TMEM272: variants seen among roughly 807,000 people sequenced by gnomAD.
TMEM272 encodes transmembrane protein 272.
Under a neutral mutation model 3.7 loss-of-function variants are expected in TMEM272, and 8 were observed. That is an observed-to-expected ratio of 2.17 (90% CI 1.27 to 3.91). The LOEUF is 3.91. TMEM272 is among the 30% of genes most tolerant of loss of function. The pLI, the probability that TMEM272 is intolerant of heterozygous loss-of-function variation, is 0.00. For synonymous variants in TMEM272, 63 were observed against 39.8 expected, an observed-to-expected ratio of 1.58 and a Z score of -2.20; for missense variants, 166 against 91.5, an observed-to-expected ratio of 1.81 and a Z score of -3.32.
the TMEM272 span, among the ~76,000 whole-genome samples, chr13:51,873,180 G>A: frequency 6.6e-6 from 1 of 152,258 alleles, no homozygotes; most frequent in Non-Finnish European, 1.5e-5. Context: ...AGGAGAGTTT[G>A]AGAGTGAATT....
At chr13:51,864,616 T>C in the TMEM272 span, among the ~76,000 whole-genome samples, 1 of 152,212 alleles carries the variant, frequency 6.6e-6, no homozygotes, top group Non-Finnish European at 1.5e-5. Flanking sequence ...GGTCATTGGA[T>C]TGTTTCCAGA....
chr13:51,849,068 T>A (rs1445491954), upstream of TMEM272, among the ~76,000 whole-genome samples: 1 of 152,216 alleles, frequency 6.6e-6, no homozygotes, highest in Non-Finnish European at 1.5e-5. Flanking sequence ...ATATAAGTTT[T>A]CATTTTCCTT....
At chr13:51,888,419 G>A in the TMEM272 span, among the ~76,000 whole-genome samples, 1 of 151,898 alleles carries the variant, frequency 6.6e-6, no homozygotes, top group Admixed American at 6.6e-5. Flanking sequence ...TGTCACATCA[G>A]TCCCCTCCAT....
the TMEM272 span, among the ~76,000 whole-genome samples, chr13:51,929,369 G>A: frequency 6.6e-6 from 1 of 152,194 alleles, no homozygotes. Context: ...ATTGTAGCAT[G>A]GAGGTATCCA....
chr13:51,898,337 C>T, the TMEM272 span, among the ~76,000 whole-genome samples: 1 of 152,192 alleles, frequency 6.6e-6, no homozygotes, highest in South Asian at 2.1e-4. Flanking sequence ...TCCTGACACA[C>T]TCCTGGTTAA....
intron 2 of TMEM272, among the ~76,000 whole-genome samples, chr13:51,831,004 C>T (rs1467973404): frequency 3.3e-5 from 5 of 152,078 alleles, no homozygotes; most frequent in African/African-American, 9.7e-5. Flanking sequence ...CACTCTTGCT[C>T]GAAGTCTAAT....
At chr13:51,877,765 A>G in the TMEM272 span, among the ~76,000 whole-genome samples, 1 of 152,220 alleles carries the variant, frequency 6.6e-6, no homozygotes, top group African/African-American at 2.4e-5. Flanking sequence ...TACTTGTTGT[A>G]CTACTTAAGT....
intron 4 of TMEM272, among the ~76,000 whole-genome samples, chr13:51,818,649 G>A (rs1956054423): frequency 6.6e-6 from 1 of 152,194 alleles, no homozygotes. Flanking sequence ...GAGCCATTGG[G>A]CCAAAATGTC....
At chr13:51,904,393 ATTG>A in the TMEM272 span, among the ~76,000 whole-genome samples, 3 of 152,148 alleles carry the variant, frequency 2.0e-5, no homozygotes, top group Non-Finnish European at 1.5e-5. Flanking sequence ...CCCTAAGGTA[ATTG>A]TTGTTGATGA....
the TMEM272 span, among the ~76,000 whole-genome samples, chr13:51,892,387 G>C: frequency 6.6e-6 from 1 of 152,334 alleles, no homozygotes; most frequent in East Asian, 1.9e-4. Context: ...ATGCAGACTT[G>C]TGTGGCAGAA....
chr13:51,875,563 T>A, the TMEM272 span, among the ~76,000 whole-genome samples: 1 of 152,150 alleles, frequency 6.6e-6, no homozygotes, highest in Admixed American at 6.5e-5. Flanking sequence ...CTGATGACAG[T>A]TCCTTGGAAT....
rs181941958 is a variant in TMEM272, at chr13:51,813,481, C to T, written c.*3270G>A. On this transcript the variant is annotated 3_prime_UTR_variant, in exon 5 of 5. Coordinates refer to ENST00000629372, the MANE Select transcript of TMEM272 (RefSeq NM_001351003.2). ...CATACTAAAAGAGAAGGAAATAACACGAAGTACTGGAAGTGACATTATATT... is the reference window on the plus strand; with the variant it reads ...CATACTAAAAGAGAAGGAAATAACATGAAGTACTGGAAGTGACATTATATT... 7.8e-6 allele frequency: 3 copies of T among 384,856 alleles called. No individual in the cohort carries two copies. Among genetic ancestry groups the T allele is most frequent in the East Asian group, 3.7e-5 (1 of 27,122 alleles). 23.8% of individuals were successfully genotyped at this position (384,856 alleles called of 1,614,324 possible).
chr13:51,823,428 G>C (rs1268218513), intron 3 of TMEM272, among the ~76,000 whole-genome samples: 2 of 152,228 alleles, frequency 1.3e-5, no homozygotes, highest in African/African-American at 4.8e-5. Context: ...TGCTTCCTCT[G>C]CTTTGACCAC....
the TMEM272 span, chr13:51,932,976 G>C: frequency 6.6e-6 from 1 of 152,142 alleles, no homozygotes; most frequent in Non-Finnish European, 1.5e-5. Context: ...GCTGGAGTGG[G>C]GGGGCTGAAA....
At chr13:51,847,697 G>A (rs1157573831), upstream of TMEM272, among the ~76,000 whole-genome samples, 1 of 152,166 alleles carries the variant, frequency 6.6e-6, no homozygotes, top group Non-Finnish European at 1.5e-5. Flanking sequence ...AGAGTCTTAA[G>A]GCTTCCCTGC....
chr13:51,912,414 C>G, the TMEM272 span, among the ~76,000 whole-genome samples: 8 of 152,136 alleles, frequency 5.3e-5, no homozygotes, highest in Non-Finnish European at 1.2e-4. Flanking sequence ...CCTGGCACAT[C>G]CTCCACAGAG....
At chr13:51,866,032 C>T in the TMEM272 span, 32 of 1,607,378 alleles carry the variant, frequency 2.0e-5, no homozygotes, top group African/African-American at 1.6e-4. Flanking sequence ...GGCCCCACAA[C>T]GCCAACAGAG....
At chr13:51,820,788 AG>A (rs1161711593) in intron 4 of TMEM272, among the ~76,000 whole-genome samples, 1 of 152,200 alleles carries the variant, frequency 6.6e-6, no homozygotes, top group Non-Finnish European at 1.5e-5. Context: ...CGCTGAGCCA[AG>A]AGCCTTTGGG....
At chr13:51,867,468 G>A in the TMEM272 span, among the ~76,000 whole-genome samples, 1 of 152,148 alleles carries the variant, frequency 6.6e-6, no homozygotes, top group Non-Finnish European at 1.5e-5. Context: ...ATTTCACAGT[G>A]GCTTGGGGGT....
Sources: gnomAD v4.1 joint callset for allele counts (sites outside exome capture counted in the v4.1 genomes callset) on GRCh38, gnomAD v4.1.1 for gene constraint, MANE v1.5 for transcripts, NCBI Gene and HGNC (gene_info 2026-07-23, HGNC 2026-07-21) for gene names.